The following TRPM4 variants were observed in gnomAD, a reference collection of about 807,000 sequenced individuals.
The protein encoded by TRPM4 is transient receptor potential cation channel subfamily M member 4.
A neutral mutation model predicts 135.6 loss-of-function variants in TRPM4; 124 were observed. The ratio of observed to expected loss-of-function variants is 0.91; its 90% confidence interval spans 0.79 to 1.06. The LOEUF is 1.06. TRPM4 is among the 50% of genes least tolerant of loss of function. TRPM4 has a pLI of 0.00. For missense variants in TRPM4, 1,658 were observed against 1,671.4 expected (o/e 0.99, Z 0.14); for synonymous variants, 745 against 705.6 (o/e 1.06, Z -0.88).
At chr19:49,195,102 G>T (rs971614875) in intron 16 of TRPM4, among the ~76,000 whole-genome samples, 3 of 151,766 alleles carry the variant, frequency 2.0e-5, no homozygotes, top group African/African-American at 7.3e-5. Context: ...GCTTTATTGA[G>T]CTGTAATCCA....
At position 49,188,956 on chromosome 19, in the gene TRPM4, C is replaced by A. The variant is rs958890884; in HGVS notation, c.1884C>A (p.Gly628=). Residue 628 remains glycine (G), a synonymous_variant, in exon 14 of 25, where the codon GGC becomes GGA. Transcript: ENST00000252826. ...KFEGMGVDLF[G]ECYRSSEVRA... ...ACTCCTCTGCCCCAGACCTCTTTGG[C>A]GAGTGCTATCGCAGCAGTGAGGTGA... 1 of 1,614,084 alleles carries A rather than the reference C, an allele frequency of 6.2e-7. No homozygotes were observed. Among genetic ancestry groups the A allele is most frequent in the Non-Finnish European group, 8.5e-7 (1 of 1,180,040 alleles).
Position 49,171,397 on chromosome 19 carries a change from T to A in TRPM4, c.837T>A (p.Asp279Glu). The change falls in exon 7 of 25, where the codon GAT becomes GAA. Residue 279 changes from aspartate (D) to glutamate (E), a missense_variant. Asp to Glu is a conservative substitution (Grantham distance 45). This residue lies in a region of TRPM4 where 1,412 missense variants were observed against 1,408.7 expected (regional missense o/e 1.00). Transcript: ENST00000252826. This position sits in a 1 kb window ranked among gnomAD's most constrained non-coding sequence, Gnocchi z 4.7. ...TCCCTGTCCTGCTCCTCCTGATTGA[T>A]GGTGATGAGAAGATGTTGACGGTAT... The part of the protein sequence containing the change: ...IDIPVLLLLI[D>E]GDEKMLTRIE... The A allele has an allele frequency of 2.5e-6, 4 of 1,613,750 alleles. No individual in the cohort carries two copies. Among genetic ancestry groups the A allele is most frequent in the Non-Finnish European group, 3.4e-6 (4 of 1,179,966 alleles).
At chr19:49,197,358 T>G (rs539033574) in intron 17 of TRPM4, among the ~76,000 whole-genome samples, 1 of 100,540 alleles carries the variant, frequency 9.9e-6, no homozygotes, top group African/African-American at 5.7e-5. Flanking sequence ...CTTTCTTTCT[T>G]TCTTTCTCTC....
chr19:49,200,907 G>A (rs567503534), intron 19 of TRPM4, 122 bp downstream of exon 19: 1 of 1,101,004 alleles, frequency 9.1e-7, no homozygotes, highest in African/African-American at 1.6e-5. Context: ...TCTTTCTCTG[G>A]ATCTCTGAGT....
intron 12 of TRPM4, 110 bp downstream of exon 12, chr19:49,183,322 C>T (rs774783490): frequency 1.8e-4 from 256 of 1,419,506 alleles, no homozygotes; most frequent in Non-Finnish European, 2.3e-4. Flanking sequence ...ACCTGACAGG[C>T]GCCCCATCCT....
At chr19:49,168,827 T>C (rs909267410) in intron 6 of TRPM4, 91 bp downstream of exon 6, 1 of 1,355,574 alleles carries the variant, frequency 7.4e-7, no homozygotes, top group Admixed American at 2.0e-5. Context: ...GGTCGAGATT[T>C]GGGGAATTAC....
In TRPM4 at chr19:49,202,044, G is replaced by A. The variant is rs182262420; in HGVS notation, c.3034G>A (p.Val1012Ile). ...TCCTGGGGCCCAGGCGGGCACCTGC[G>A]TCTCCCAGTATGCCAACTGGCTGGT... ...HPPGAQAGTCVSQYANWLVVL... is the reference protein window; with the variant it reads ...HPPGAQAGTCISQYANWLVVL... Residue 1012 changes from valine (V) to isoleucine (I), a missense_variant, in exon 20 of 25, where the codon GTC becomes ATC. Around this residue, in one of 3 missense-constraint regions of TRPM4, gnomAD observed 1,412 missense variants for 1,408.7 expected, o/e 1.00. Coordinates refer to ENST00000252826, the MANE Select transcript of TRPM4 (RefSeq NM_017636.4). 220 of 1,613,986 alleles carry A rather than the reference G, an allele frequency of 1.4e-4. No homozygotes were observed. The highest frequency in any genetic ancestry group is 5.3e-4 in the East Asian group (24 of 44,868).
chr19:49,174,285 C>T (rs981250065), intron 9 of TRPM4, among the ~76,000 whole-genome samples: 76 of 151,920 alleles, frequency 5.0e-4, no homozygotes, highest in African/African-American at 1.8e-3. Flanking sequence ...CCTGAGTAGC[C>T]GGGATTACAG....
At chr19:49,190,062 C>A in intron 14 of TRPM4, 146 bp from the exon 15 acceptor site, 1 of 743,550 alleles carries the variant, frequency 1.3e-6, no homozygotes, top group Non-Finnish European at 2.4e-6. Flanking sequence ...CTTTGCCTTT[C>A]ACCACCGTTT....
rs1568477224 is a variant in TRPM4, at chr19:49,188,716, G to A, written c.1819G>A (p.Glu607Lys). 2.5e-6 allele frequency: 4 copies of A among 1,614,214 alleles called. No individual in the cohort carries two copies. The highest frequency in any genetic ancestry group is 3.4e-6 in the Non-Finnish European group (4 of 1,180,044). The stretch of plus-strand genomic sequence containing the variant: ...GATGGCACGCCTGGAGCCTGACGCT[G>A]AGGAGGCAGCACGGAGGAAAGACCT... Reference protein sequence around the residue: ...RVMARLEPDAEEAARRKDLAF... With the variant: ...RVMARLEPDAKEAARRKDLAF... Residue 607 changes from glutamate (E) to lysine (K), a missense_variant, in exon 13 of 25, where the codon GAG (glutamate) becomes AAG (lysine). Physicochemically the swap from Glu to Lys is moderately conservative, Grantham distance 56 (BLOSUM62 1). Coordinates refer to ENST00000252826, the MANE Select transcript of TRPM4 (RefSeq NM_017636.4).
At chr19:49,197,324 C>CTT (rs1293316343) in intron 17 of TRPM4, among the ~76,000 whole-genome samples, 1 of 112,518 alleles carries the variant, frequency 8.9e-6, no homozygotes, top group African/African-American at 4.6e-5. Context: ...TTCTTTCTTT[C>CTT]TTTCTTTCTT....
At chr19:49,168,886 C>T in intron 6 of TRPM4, 150 bp downstream of exon 6, 5 of 954,780 alleles carry the variant, frequency 5.2e-6, no homozygotes, top group Non-Finnish European at 7.9e-6. Flanking sequence ...TTAAAAACTT[C>T]TGTCTGAGAG....
chr19:49,162,977 G>A (rs981520901), intron 2 of TRPM4, among the ~76,000 whole-genome samples: 4 of 151,768 alleles, frequency 2.6e-5, no homozygotes, highest in African/African-American at 9.7e-5. Flanking sequence ...GGCCAGGCTG[G>A]TCTCAAAGTC....
intron 17 of TRPM4, among the ~76,000 whole-genome samples, chr19:49,199,242 T>G (rs1286810716): frequency 2.3e-5 from 3 of 131,342 alleles, no homozygotes; most frequent in Admixed American, 7.4e-5. Flanking sequence ...TGCCCCCTTG[T>G]TTTTTTTTTG....
At chr19:49,183,034 GT>G in intron 11 of TRPM4, 43 bp from the exon 12 acceptor site, 1 of 1,607,498 alleles carries the variant, frequency 6.2e-7, no homozygotes, top group Non-Finnish European at 8.5e-7. Flanking sequence ...GGTGGCCAGT[GT>G]TGGGGAGGGG....
intron 9 of TRPM4, among the ~76,000 whole-genome samples, chr19:49,175,067 C>CTTTTTTTTTTTTTTTTTTT (rs772062913): frequency 1.3e-4 from 10 of 77,586 alleles, no homozygotes; most frequent in African/African-American, 6.7e-4. Context: ...TCATGCCTGG[C>CTTTTTTTTTTTTTTTTTTT]TTTTTTTTTT....
chr19:49,175,098 G>A (rs1382932226), intron 9 of TRPM4, among the ~76,000 whole-genome samples: 3 of 102,036 alleles, frequency 2.9e-5, no homozygotes, highest in South Asian at 2.8e-4. Context: ...TTTTTGAGAC[G>A]GAGTTTCGCT....
At chr19:49,194,233 T>C (rs949835165) in intron 16 of TRPM4, among the ~76,000 whole-genome samples, 10 of 152,082 alleles carry the variant, frequency 6.6e-5, no homozygotes, top group African/African-American at 2.2e-4. Context: ...CTCCTCTGCC[T>C]TCTCTTCATC....
intron 2 of TRPM4, among the ~76,000 whole-genome samples, chr19:49,160,591 AG>A (rs904277018): frequency 6.6e-5 from 10 of 152,290 alleles, no homozygotes; most frequent in African/African-American, 1.9e-4. Context: ...ATCAAAGTTC[AG>A]GGTGCAGGGA....
Sources: gnomAD v4.1 joint callset for allele counts (sites outside exome capture counted in the v4.1 genomes callset) on GRCh38, gnomAD v4.1.1 for gene constraint, gnomAD v4.1.1 regional missense constraint, Gnocchi (gnomAD v3.1) non-coding constraint, MANE v1.5 for transcripts, NCBI Gene and HGNC (gene_info 2026-07-23, HGNC 2026-07-21) for gene names.